Variants in MAGI2 observed in about 807,000 individuals in gnomAD.
MAGI2 encodes the protein membrane-associated guanylate kinase, WW and PDZ domain-containing protein 2.
In MAGI2, 35 loss-of-function variants were observed where a neutral mutation model predicts 133.3. The ratio of observed to expected loss-of-function variants is 0.26; its 90% confidence interval spans 0.20 to 0.35. MAGI2 has a LOEUF of 0.35. Among genes scored for constraint, MAGI2 ranks in the 10% least tolerant of loss-of-function variants. The pLI, the probability that MAGI2 is intolerant of heterozygous loss-of-function variation, is 1.00. For missense variants in MAGI2, 1,636 were observed against 1,863.4 expected (o/e 0.88, Z 2.25); for synonymous variants, 729 against 710.6 (o/e 1.03, Z -0.41).
chr7:78,528,079 T>C (rs189525610), intron 3 of MAGI2, among the ~76,000 whole-genome samples: 1 of 152,342 alleles, frequency 6.6e-6, no homozygotes, highest in East Asian at 1.9e-4. Flanking sequence ...CCACGGGGCA[T>C]GCAAACAGCG....
intron 1 of MAGI2, among the ~76,000 whole-genome samples, chr7:79,205,907 A>C (rs569171606): frequency 6.6e-6 from 1 of 151,862 alleles, no homozygotes; most frequent in Admixed American, 6.6e-5. Flanking sequence ...AAGAAATCAA[A>C]ACATATCAAT....
chr7:78,948,393 T>G (rs762910767), intron 2 of MAGI2, among the ~76,000 whole-genome samples: 1 of 152,032 alleles, frequency 6.6e-6, no homozygotes, highest in East Asian at 1.9e-4. Context: ...GCTTTTCAGA[T>G]AGCTTTTCAG....
At chr7:78,505,193 T>C (rs1327192784) in intron 4 of MAGI2, among the ~76,000 whole-genome samples, 4 of 152,154 alleles carry the variant, frequency 2.6e-5, no homozygotes, top group Non-Finnish European at 5.9e-5. Flanking sequence ...TCACTATTAA[T>C]TGCATGGGCC....
chr7:78,658,708 A>G (rs1227123143), intron 2 of MAGI2, among the ~76,000 whole-genome samples: 1 of 152,234 alleles, frequency 6.6e-6, no homozygotes, highest in Non-Finnish European at 1.5e-5. Flanking sequence ...AAGCACATAC[A>G]ATAATGTTCA....
intron 1 of MAGI2, among the ~76,000 whole-genome samples, chr7:79,077,596 T>TAA (rs1386891932): frequency 2.5e-5 from 1 of 40,128 alleles, no homozygotes; most frequent in South Asian, 6.0e-4. Flanking sequence ...AAAAAAAAAA[T>TAA]AAATAAATAA....
chr7:79,234,748 C>T lies in MAGI2; in HGVS notation c.301+218272G>A, dbSNP rs1005016642. On this transcript the variant is annotated intron_variant, in intron 1 of 21. Transcript: ENST00000354212. The stretch of plus-strand genomic sequence containing the variant: ...TTTGCCTTTGGTTTGAATGTCCTCC[C>T]GTAGCTCAGAGTAATTTGATCGTCT... Among the ~76,000 whole-genome samples, 15 of 150,346 alleles carry T rather than the reference C, an allele frequency of 1.0e-4. No individual in the cohort carries two copies. The South Asian group carries it at 1.1e-3, about 11-fold the overall frequency.
intron 1 of MAGI2, among the ~76,000 whole-genome samples, chr7:79,038,446 A>G (rs975475270): frequency 6.6e-6 from 1 of 152,190 alleles, no homozygotes; most frequent in Non-Finnish European, 1.5e-5. Flanking sequence ...TATGGCCAAT[A>G]GAAGCCTCTT....
Position 78,772,941 on chromosome 7 carries a change from G to T in MAGI2, c.419-145702C>A, listed in dbSNP as rs143154150. On this transcript the variant is annotated intron_variant, in intron 2 of 21. Coordinates refer to ENST00000354212, the MANE Select transcript of MAGI2 (RefSeq NM_012301.4). ...TTTCACCTTTTCTTTTTTCCCTCTA[G>T]CATTGGCTGTTTTCATTTTGCATTT... 8.4e-3 allele frequency among the ~76,000 whole-genome samples: 1,272 copies of T among 152,132 alleles called. 11 individuals are homozygous for T. The highest frequency in any genetic ancestry group is 0.014 in the Non-Finnish European group (920 of 67,990).
chr7:78,744,306 T>C (rs1457338280), intron 2 of MAGI2, among the ~76,000 whole-genome samples: 1 of 152,186 alleles, frequency 6.6e-6, no homozygotes, highest in Non-Finnish European at 1.5e-5. Context: ...TTTAGTATCA[T>C]TAGTTTTCAT....
At chr7:79,212,626 C>T (rs1469578530) in intron 1 of MAGI2, among the ~76,000 whole-genome samples, 3 of 152,042 alleles carry the variant, frequency 2.0e-5, no homozygotes, top group African/African-American at 4.8e-5. Context: ...TGGGATTCTT[C>T]GTGTCTCTTC....
intron 2 of MAGI2, among the ~76,000 whole-genome samples, chr7:78,801,173 G>A (rs1050030940): frequency 6.6e-6 from 1 of 152,106 alleles, no homozygotes; most frequent in Admixed American, 6.5e-5. Context: ...TTAAAGACAG[G>A]ATAATTCAAA....
chr7:79,027,426 A>G lies in MAGI2; in HGVS notation c.302-20220T>C, dbSNP rs563069951. Among the ~76,000 whole-genome samples, 22 of 152,054 alleles carry G rather than the reference A, an allele frequency of 1.4e-4. 2 individuals are homozygous for G. The South Asian group carries it at 4.4e-3, about 30-fold the overall frequency. Reference sequence around the variant, plus strand: ...AGCAACATGGATGGGATTGGAGAACATTACGCTAAGTGGAATAAGCTAGGC... The same window carrying G: ...AGCAACATGGATGGGATTGGAGAACGTTACGCTAAGTGGAATAAGCTAGGC... On this transcript the variant is annotated intron_variant, in intron 1 of 21. Transcript: ENST00000354212.
In MAGI2 at chr7:78,194,982, G is replaced by T. The variant is rs766679351; in HGVS notation, c.2161C>A (p.Pro721Thr). 26 of 1,614,034 alleles carry T rather than the reference G, an allele frequency of 1.6e-5. No homozygotes were observed. The highest frequency in any genetic ancestry group is 2.0e-5 in the Non-Finnish European group (24 of 1,179,998). Residue 721 changes from proline to threonine, a missense_variant, in exon 12 of 22, where the codon CCT (proline) becomes ACT (threonine). Transcript: ENST00000354212. The part of the protein sequence containing the change: ...PAIPQNLPFP[P>T]ALHRSSFPDS... ...GGAAAGGAGCTCCTGTGAAGGGCAG[G>T]TGGGAAGGGCAGGTTCTGCGGTATG... is the stretch of plus-strand genomic sequence containing the variant.
At chr7:78,710,150 G>A (rs958165193) in intron 2 of MAGI2, among the ~76,000 whole-genome samples, 1 of 152,040 alleles carries the variant, frequency 6.6e-6, no homozygotes, top group Non-Finnish European at 1.5e-5. Context: ...CACATACTAA[G>A]TACATATTAC....
At position 78,417,957 on chromosome 7, in the gene MAGI2, G is replaced by C. The variant is rs76786323; in HGVS notation, c.1046-48744C>G. Among the ~76,000 whole-genome samples the C allele has an allele frequency of 4.9e-4, 75 of 152,198 alleles. 1 individual carries two copies. In the East Asian group the frequency reaches 0.014, roughly 28 times the overall value. The stretch of plus-strand genomic sequence containing the variant: ...TGGTTCTCATTTTTGTGTATTTGAG[G>C]ACCTGGTCATGGCTCTCCACATTGT... On this transcript the variant is annotated intron_variant, in intron 6 of 21. Transcript: ENST00000354212.
At chr7:78,395,749 A>T (rs10237958) in intron 6 of MAGI2, among the ~76,000 whole-genome samples, 3 of 151,750 alleles carry the variant, frequency 2.0e-5, no homozygotes, top group Non-Finnish European at 2.9e-5. Context: ...CTTATGAAAA[A>T]AATTTTGGGA....
intron 1 of MAGI2, among the ~76,000 whole-genome samples, chr7:79,214,776 T>C (rs1458647106): frequency 7.1e-6 from 1 of 140,142 alleles, no homozygotes; most frequent in Non-Finnish European, 1.5e-5. Context: ...AAATAGATAA[T>C]ATAAAAATAT....
At chr7:78,784,994 T>A (rs1826696126) in intron 2 of MAGI2, among the ~76,000 whole-genome samples, 1 of 152,200 alleles carries the variant, frequency 6.6e-6, no homozygotes, top group Non-Finnish European at 1.5e-5. Flanking sequence ...GGTGCCTGGC[T>A]AAGATTAACA....
intron 1 of MAGI2, among the ~76,000 whole-genome samples, chr7:79,269,758 G>A (rs1424705525): frequency 3.3e-5 from 5 of 152,160 alleles, no homozygotes; most frequent in Admixed American, 1.3e-4. Flanking sequence ...AAATTTAGCA[G>A]AAATTTAGTT....
Sources: allele counts gnomAD v4.1 joint callset (sites outside exome capture counted in the v4.1 genomes callset), GRCh38; gene constraint gnomAD v4.1.1; transcripts MANE v1.5; gene names NCBI Gene and HGNC (gene_info 2026-07-23, HGNC 2026-07-21).